MLLT3: variants seen among roughly 807,000 people sequenced by gnomAD.
The protein encoded by MLLT3 is protein AF-9.
Under a neutral mutation model 53.2 loss-of-function variants are expected in MLLT3, and 4 were observed. The observed-to-expected ratio is 0.08, with a 90% CI of 0.04 to 0.17. The LOEUF (loss-of-function observed/expected upper bound fraction) is 0.17, where lower values mean the gene tolerates loss of function less well. Among genes scored for constraint, MLLT3 ranks in the 10% least tolerant of loss-of-function variants. The pLI, the probability that MLLT3 is intolerant of heterozygous loss-of-function variation, is 1.00. For synonymous variants in MLLT3, 283 were observed against 230.6 expected, an observed-to-expected ratio of 1.23 and a Z score of -2.06; for missense variants, 569 against 684.0, an observed-to-expected ratio of 0.83 and a Z score of 1.87.
chr9:20,449,878 A>G (rs1217539007), intron 3 of MLLT3, among the ~76,000 whole-genome samples: 1 of 152,076 alleles, frequency 6.6e-6, no homozygotes, highest in Admixed American at 6.6e-5. Context: ...CTGACCTTAA[A>G]TGTCCTTTAC....
At chr9:20,543,162 T>A (rs944121412) in intron 2 of MLLT3, among the ~76,000 whole-genome samples, 2 of 152,222 alleles carry the variant, frequency 1.3e-5, no homozygotes, top group African/African-American at 4.8e-5. Flanking sequence ...AATAACCCTG[T>A]GTCGCTTTCT....
intron 2 of MLLT3, among the ~76,000 whole-genome samples, chr9:20,586,930 G>A (rs1468741853): frequency 1.3e-5 from 2 of 151,896 alleles, no homozygotes; most frequent in Non-Finnish European, 2.9e-5. Context: ...AAAATGAAAT[G>A]AAACCTCAAT....
chr9:20,606,442 A>G (rs770876728), intron 2 of MLLT3, among the ~76,000 whole-genome samples: 8 of 152,144 alleles, frequency 5.3e-5, no homozygotes, highest in Non-Finnish European at 1.2e-4. Context: ...CTTTTAAAAC[A>G]GCTACATAAA....
At chr9:20,504,031 T>C (rs1166175868) in intron 2 of MLLT3, among the ~76,000 whole-genome samples, 1 of 152,102 alleles carries the variant, frequency 6.6e-6, no homozygotes, top group Non-Finnish European at 1.5e-5. Flanking sequence ...AGAATGGCTA[T>C]TATCGAAAAG....
At chr9:20,622,153 C>T (rs1774966808) in intron 1 of MLLT3, 92 bp downstream of exon 1, 9 of 1,395,378 alleles carry the variant, frequency 6.4e-6, no homozygotes, top group Non-Finnish European at 9.0e-6. Context: ...TAATTGGAAC[C>T]GCGGAGCGCT....
At position 20,345,270 on chromosome 9, in the gene MLLT3, C is replaced by T. The variant is rs959885624; in HGVS notation, c.*1173G>A. The T allele has an allele frequency of 6.0e-5, 13 of 216,644 alleles. No individual in the cohort carries two copies. Among genetic ancestry groups the T allele is most frequent in the Non-Finnish European group, 7.4e-5 (8 of 107,568 alleles). 13.4% of individuals were successfully genotyped at this position (216,644 alleles called of 1,614,324 possible). ...CAAGTTAATACATAATCTGTTATGG[C>T]AGAATAACCAAGAATTTTTCCCCAA... On this transcript the variant is annotated 3_prime_UTR_variant, in exon 11 of 11. Transcript: ENST00000380338.
At chr9:20,612,586 G>A (rs908776319) in intron 2 of MLLT3, among the ~76,000 whole-genome samples, 3 of 151,704 alleles carry the variant, frequency 2.0e-5, no homozygotes, top group African/African-American at 4.8e-5. Context: ...AATAACAAAG[G>A]AAGAACATCC....
At chr9:20,361,147 G>A (rs1463237527) in intron 7 of MLLT3, among the ~76,000 whole-genome samples, 1 of 152,168 alleles carries the variant, frequency 6.6e-6, no homozygotes, top group Non-Finnish European at 1.5e-5. Flanking sequence ...ATACAAGCAA[G>A]TGGCCCAAAG....
intron 2 of MLLT3, among the ~76,000 whole-genome samples, chr9:20,609,697 G>T (rs1364441604): frequency 1.3e-5 from 2 of 152,038 alleles, no homozygotes. Context: ...TGAGGTGAAT[G>T]GCACCGATAT....
intron 2 of MLLT3, among the ~76,000 whole-genome samples, chr9:20,581,522 T>C (rs760443536): frequency 6.6e-6 from 1 of 152,146 alleles, no homozygotes; most frequent in Non-Finnish European, 1.5e-5. Context: ...GAAATTCACT[T>C]GGAATTTTTT....
chr9:20,509,769 C>A (rs1380211250), intron 2 of MLLT3, among the ~76,000 whole-genome samples: 1 of 152,150 alleles, frequency 6.6e-6, no homozygotes, highest in South Asian at 2.1e-4. Context: ...TATTTCATTA[C>A]TACCACATAT....
intron 2 of MLLT3, among the ~76,000 whole-genome samples, chr9:20,584,882 T>TGGATGC (rs1184207194): frequency 6.6e-6 from 1 of 152,234 alleles, no homozygotes; most frequent in Non-Finnish European, 1.5e-5. Flanking sequence ...TTCCATTGTG[T>TGGATGC]GGATGCACCA....
At chr9:20,407,508 G>T (rs1822614300) in intron 5 of MLLT3, among the ~76,000 whole-genome samples, 1 of 152,146 alleles carries the variant, frequency 6.6e-6, no homozygotes, top group Admixed American at 6.6e-5. Context: ...ATAGGTCAAA[G>T]AAACAGGATT....
chr9:20,364,106 T>C (rs1345580336), intron 6 of MLLT3, among the ~76,000 whole-genome samples: 2 of 152,228 alleles, frequency 1.3e-5, no homozygotes, highest in Non-Finnish European at 2.9e-5. Flanking sequence ...TTATAAAGTA[T>C]TTCAATTCCA....
At chr9:20,584,920 T>C (rs1298689212) in intron 2 of MLLT3, among the ~76,000 whole-genome samples, 1 of 152,242 alleles carries the variant, frequency 6.6e-6, no homozygotes, top group Non-Finnish European at 1.5e-5. Flanking sequence ...TTGAAGGACA[T>C]CTTGATTGCT....
At position 20,342,711 on chromosome 9, in the gene MLLT3, G is replaced by C. The variant is rs1043136688; in HGVS notation, c.*3732C>G. 1 of 207,762 alleles carries C rather than the reference G, an allele frequency of 4.8e-6. No homozygotes were observed. The highest frequency in any genetic ancestry group is 9.8e-6 in the Non-Finnish European group (1 of 102,276). The allele number at this position is 207,762 out of a possible 1,614,324, so 12.9% of individuals were successfully genotyped here. A position where few individuals can be genotyped will look rare whatever the true frequency, so the allele number is the denominator to read the frequency against. ...GTCAAAAGATGTAGACTTCCAGCCC[G>C]AGACTAAACTAAACCATGGGAATTG... On this transcript the variant is annotated 3_prime_UTR_variant, in exon 11 of 11. Coordinates refer to ENST00000380338, the MANE Select transcript of MLLT3 (RefSeq NM_004529.4).
intron 2 of MLLT3, among the ~76,000 whole-genome samples, chr9:20,605,854 A>C (rs1199529428): frequency 6.6e-6 from 1 of 152,118 alleles, no homozygotes; most frequent in Non-Finnish European, 1.5e-5. Context: ...TTCAACTATT[A>C]AGCATTTGAA....
intron 2 of MLLT3, among the ~76,000 whole-genome samples, chr9:20,537,764 T>G (rs1018742895): frequency 1.3e-5 from 2 of 152,164 alleles, no homozygotes; most frequent in Non-Finnish European, 2.9e-5. Flanking sequence ...CTGCAGATGA[T>G]TTATTGCCCT....
At chr9:20,494,949 G>A (rs549024175) in intron 2 of MLLT3, among the ~76,000 whole-genome samples, 1 of 152,072 alleles carries the variant, frequency 6.6e-6, no homozygotes, top group African/African-American at 2.4e-5. Context: ...TTTCCTCCTA[G>A]GGTAATTTGC....
Sources: allele counts gnomAD v4.1 joint callset (sites outside exome capture counted in the v4.1 genomes callset), GRCh38; gene constraint gnomAD v4.1.1; transcripts MANE v1.5; gene names NCBI Gene and HGNC (gene_info 2026-07-23, HGNC 2026-07-21).